The following NAAA variants were observed in gnomAD, a reference collection of about 807,000 sequenced individuals.
NAAA encodes N-acylethanolamine-hydrolyzing acid amidase.
NAAA carries 39 observed loss-of-function variants against 44.8 expected under a neutral mutation model. That is an observed-to-expected ratio of 0.87 (90% CI 0.67 to 1.14). The LOEUF is 1.14. Among genes scored for constraint, NAAA ranks in the 50% most tolerant of loss-of-function variants. NAAA has a pLI of 0.00. For missense variants in NAAA, 460 were observed against 467.8 expected, an observed-to-expected ratio of 0.98 and a Z score of 0.15; for synonymous variants, 178 against 191.3, an observed-to-expected ratio of 0.93 and a Z score of 0.58.
downstream of NAAA, among the ~76,000 whole-genome samples, chr4:75,912,237 G>A (rs1725353549): frequency 1.3e-5 from 2 of 152,280 alleles, no homozygotes; most frequent in East Asian, 3.9e-4. Context: ...AAACAAAAAT[G>A]GAATAAGACT....
At chr4:75,936,828 G>A (rs1473988552) in intron 2 of NAAA, among the ~76,000 whole-genome samples, 2 of 152,250 alleles carry the variant, frequency 1.3e-5, no homozygotes, top group East Asian at 3.9e-4. Context: ...AGTATTGTGA[G>A]AAAAAGAGGA....
At chr4:75,922,017 C>T (rs1388597142) in intron 5 of NAAA, among the ~76,000 whole-genome samples, 1 of 152,184 alleles carries the variant, frequency 6.6e-6, no homozygotes, top group Non-Finnish European at 1.5e-5. Context: ...TCTCCACCTT[C>T]ACAACCACTC....
At chr4:75,931,071 T>C in intron 4 of NAAA, 143 bp downstream of exon 4, 2 of 606,458 alleles carry the variant, frequency 3.3e-6, no homozygotes, top group Non-Finnish European at 5.8e-6. Context: ...CTTCCATGCA[T>C]ACTGTCCACT....
intron 9 of NAAA, among the ~76,000 whole-genome samples, chr4:75,915,210 G>C (rs1323543873): frequency 6.6e-6 from 1 of 152,124 alleles, no homozygotes; most frequent in Non-Finnish European, 1.5e-5. Flanking sequence ...TTAATTAGCT[G>C]GGTGTGGTGG....
At chr4:75,927,310 T>C (rs1726791075) in intron 4 of NAAA, among the ~76,000 whole-genome samples, 1 of 151,354 alleles carries the variant, frequency 6.6e-6, no homozygotes, top group Admixed American at 6.6e-5. Context: ...CCAGGCATGA[T>C]GGCACATGCC....
At chr4:75,917,069 G>A (rs1036098230) in intron 9 of NAAA, 2 of 949,770 alleles carry the variant, frequency 2.1e-6, no homozygotes, top group African/African-American at 1.8e-5. Context: ...GTGAGCCACT[G>A]CGCCCAGCCA....
intron 3 of NAAA, among the ~76,000 whole-genome samples, chr4:75,932,566 T>C (rs1220621791): frequency 6.6e-6 from 1 of 152,128 alleles, no homozygotes; most frequent in Non-Finnish European, 1.5e-5. Context: ...CACTGCAGCC[T>C]CGACCTCCTG....
chr4:75,919,694 T>C (rs1004858427), intron 8 of NAAA: 4 of 596,460 alleles, frequency 6.7e-6, no homozygotes, highest in African/African-American at 3.8e-5. Context: ...TAGCCAGGAT[T>C]GTCTCAATCT....
Position 75,914,734 on chromosome 4 carries a change from G to A in NAAA, c.*36+134C>T, listed in dbSNP as rs1436131623. ...ATAAAATATCTAATGATGACAATCT[G>A]ACACAAATGACAATGCCAGATGCTT... On this transcript the variant is annotated intron_variant, in intron 10 of 10. Transcript: ENST00000286733. 4 of 596,324 alleles carry A rather than the reference G, an allele frequency of 6.7e-6. No homozygotes were observed. The South Asian group carries it at 1.1e-4, about 16-fold the overall frequency. The allele number at this position is 596,324 out of a possible 1,614,324, so 36.9% of individuals were successfully genotyped here.
At chr4:75,921,459 G>C (rs532763211) in intron 5 of NAAA, among the ~76,000 whole-genome samples, 1 of 152,120 alleles carries the variant, frequency 6.6e-6, no homozygotes, top group Non-Finnish European at 1.5e-5. Context: ...ATTTAAACAG[G>C]GTTTTCTTGA....
In NAAA at chr4:75,927,645, C is replaced by A. The variant is rs1348462711; in HGVS notation, c.590-1834G>T. 3.3e-4 allele frequency among the ~76,000 whole-genome samples: 32 copies of A among 97,292 alleles called. 1 individual carries two copies. The South Asian group carries it at 6.2e-3, about 19-fold the overall frequency. 63.8% of individuals were successfully genotyped at this position (97,292 alleles called of 152,430 possible). ...AAAAATTTTTAATGCCCCCCCCCCC[C>A]CCGCCAAAAAAAATAGCTAGAATTT... On this transcript the variant is annotated intron_variant, in intron 4 of 10. Transcript: ENST00000286733.
chr4:75,937,023 G>T (rs1414528119), intron 2 of NAAA, among the ~76,000 whole-genome samples: 2 of 152,082 alleles, frequency 1.3e-5, no homozygotes, highest in African/African-American at 4.8e-5. Flanking sequence ...GGTTAGCTTT[G>T]TTTTTTTACT....
At chr4:75,912,336 T>C (rs113342045), downstream of NAAA, among the ~76,000 whole-genome samples, 14,405 of 151,980 alleles carry the variant, frequency 0.095, 1,261 homozygotes, top group African/African-American at 0.23. Flanking sequence ...GGGCAGATCA[T>C]GAGGTCAGGA....
Position 75,919,891 on chromosome 4 carries a change from C to T in NAAA, c.969+18G>A, listed in dbSNP as rs769379794. 25 of 1,602,740 alleles carry T rather than the reference C, an allele frequency of 1.6e-5. No homozygotes were observed. The East Asian group carries it at 5.6e-4, about 36-fold the overall frequency. ...CACCAAACATCCTAGGTATGCAGGA[C>T]ACTGTGACACAAGTTACCTGGAAAA... On this transcript the variant is annotated intron_variant, in intron 8 of 10. Transcript: ENST00000286733.
intron 5 of NAAA, among the ~76,000 whole-genome samples, chr4:75,923,141 G>A (rs1221369825): frequency 6.6e-6 from 1 of 151,952 alleles, no homozygotes; most frequent in Non-Finnish European, 1.5e-5. Context: ...CTCCTGGGCA[G>A]AAGGGATCCT....
chr4:75,924,082 G>T (rs78484475), intron 5 of NAAA, among the ~76,000 whole-genome samples: 1 of 151,990 alleles, frequency 6.6e-6, no homozygotes, highest in African/African-American at 2.4e-5. Context: ...TCATTTTTTT[G>T]GGACTCCTCT....
downstream of NAAA, among the ~76,000 whole-genome samples, chr4:75,913,355 G>T (rs1410647807): frequency 6.6e-6 from 1 of 151,944 alleles, no homozygotes. Context: ...GCACAGGACA[G>T]GTCCTCCTGT....
At chr4:75,927,281 C>G (rs1726787629) in intron 4 of NAAA, among the ~76,000 whole-genome samples, 1 of 148,246 alleles carries the variant, frequency 6.7e-6, no homozygotes, top group African/African-American at 2.5e-5. Context: ...TGGCAAAACC[C>G]TACCTCTACA....
At chr4:75,939,781 G>T in intron 2 of NAAA, 1 of 559,962 alleles carries the variant, frequency 1.8e-6, no homozygotes, top group Non-Finnish European at 3.2e-6. Context: ...TACACGTAGA[G>T]GGAAAGTTTA....
Sources: gnomAD v4.1 joint callset for allele counts (sites outside exome capture counted in the v4.1 genomes callset) on GRCh38, gnomAD v4.1.1 for gene constraint, MANE v1.5 for transcripts, NCBI Gene and HGNC (gene_info 2026-07-23, HGNC 2026-07-21) for gene names.